Variants in SCHIP1 observed in about 807,000 individuals in gnomAD.
The protein encoded by SCHIP1 is schwannomin-interacting protein 1.
Under a neutral mutation model 29.7 loss-of-function variants are expected in SCHIP1, and 8 were observed. The ratio of observed to expected loss-of-function variants is 0.27; its 90% CI spans 0.16 to 0.49. The LOEUF (loss-of-function observed/expected upper bound fraction) is 0.49, where lower values mean the gene tolerates loss of function less well. Among genes scored for constraint, SCHIP1 ranks in the 20% least tolerant of loss-of-function variants. The pLI, the probability that SCHIP1 is intolerant of heterozygous loss-of-function variation, is 0.99. For missense variants in SCHIP1, 193 were observed against 294.6 expected (o/e 0.66, Z 2.52); for synonymous variants, 76 against 94.9 (o/e 0.80, Z 1.16).
the SCHIP1 span, chr3:159,763,610 G>C: frequency 6.5e-6 from 1 of 153,004 alleles, no homozygotes; most frequent in Non-Finnish European, 1.5e-5. Context: ...CGGGACTGCG[G>C]ACTGCGCCGC....
the SCHIP1 span, among the ~76,000 whole-genome samples, chr3:159,336,701 A>G: frequency 1.2e-4 from 19 of 152,242 alleles, no homozygotes; most frequent in African/African-American, 4.3e-4. Context: ...CCATTGGTCT[A>G]TATCTCTGTT....
the SCHIP1 span, among the ~76,000 whole-genome samples, chr3:159,393,565 T>C: frequency 7.9e-5 from 12 of 151,068 alleles, no homozygotes; most frequent in Non-Finnish European, 1.6e-4. Flanking sequence ...ATTTATTAAA[T>C]AGGGAATCCT....
chr3:159,659,866 G>T, the SCHIP1 span, among the ~76,000 whole-genome samples: 1,003 of 152,206 alleles, frequency 6.6e-3, 13 homozygotes, highest in African/African-American at 0.023. Flanking sequence ...TCTTGCAAAA[G>T]GTTAAAGCGT....
intron 1 of SCHIP1, chr3:159,853,556 C>A (rs1712940519): frequency 3.7e-6 from 2 of 546,900 alleles, no homozygotes; most frequent in African/African-American, 3.9e-5. Flanking sequence ...CACTCAGTGG[C>A]TATTGCCATA....
chr3:159,284,704 C>T, the SCHIP1 span, among the ~76,000 whole-genome samples: 1 of 151,948 alleles, frequency 6.6e-6, no homozygotes, highest in African/African-American at 2.4e-5. Context: ...ATCATGTTGG[C>T]CAGGCTAGTC....
the SCHIP1 span, among the ~76,000 whole-genome samples, chr3:159,761,672 G>A: frequency 6.6e-6 from 1 of 152,102 alleles, no homozygotes; most frequent in African/African-American, 2.4e-5. Flanking sequence ...AGGGAAACCT[G>A]GTACTTTCCC....
chr3:159,751,507 G>T, the SCHIP1 span, among the ~76,000 whole-genome samples: 2 of 151,722 alleles, frequency 1.3e-5, no homozygotes, highest in South Asian at 4.2e-4. Flanking sequence ...ATTCATCACA[G>T]AATTTATAGA....
chr3:159,527,847 A>C, the SCHIP1 span, among the ~76,000 whole-genome samples: 1 of 152,228 alleles, frequency 6.6e-6, no homozygotes, highest in Non-Finnish European at 1.5e-5. Flanking sequence ...TTAATATTTC[A>C]GCCGTGAGGT....
At chr3:159,556,469 A>G in the SCHIP1 span, among the ~76,000 whole-genome samples, 6 of 151,834 alleles carry the variant, frequency 4.0e-5, no homozygotes, top group South Asian at 4.2e-4. Context: ...ACATGCACAC[A>G]TATGTTTATT....
At chr3:159,328,480 AC>A in the SCHIP1 span, among the ~76,000 whole-genome samples, 1 of 152,330 alleles carries the variant, frequency 6.6e-6, no homozygotes, top group South Asian at 2.1e-4. Context: ...TGAAGGAAGA[AC>A]AGCTTTTCAA....
intron 3 of SCHIP1, 162 bp downstream of exon 4, chr3:159,886,486 A>C: frequency 1.7e-6 from 1 of 598,754 alleles, no homozygotes; most frequent in East Asian, 2.8e-5. Flanking sequence ...TTAAAAAGTC[A>C]AAGTTGTAAT....
the SCHIP1 span, among the ~76,000 whole-genome samples, chr3:159,709,262 T>G: frequency 6.6e-6 from 1 of 152,116 alleles, no homozygotes; most frequent in African/African-American, 2.4e-5. Context: ...CATGAGGGAT[T>G]CTTGTGAGGA....
At chr3:159,413,845 A>C in the SCHIP1 span, among the ~76,000 whole-genome samples, 26 of 152,170 alleles carry the variant, frequency 1.7e-4, no homozygotes, top group African/African-American at 6.3e-4. Context: ...ATATAAATTC[A>C]TCTCAAAACA....
the SCHIP1 span, among the ~76,000 whole-genome samples, chr3:159,486,646 T>C: frequency 1.3e-5 from 2 of 152,222 alleles, no homozygotes; most frequent in Admixed American, 1.3e-4. Context: ...GTGATATGTT[T>C]CTGCAGCAAA....
At chr3:159,521,331 CCTT>C in the SCHIP1 span, among the ~76,000 whole-genome samples, 5 of 152,216 alleles carry the variant, frequency 3.3e-5, no homozygotes, top group Non-Finnish European at 4.4e-5. Context: ...GAGGCAAAAT[CCTT>C]CTACTGCTGT....
chr3:159,678,963 G>A, the SCHIP1 span, among the ~76,000 whole-genome samples: 3 of 152,172 alleles, frequency 2.0e-5, no homozygotes, highest in Non-Finnish European at 4.4e-5. Flanking sequence ...CACTTGACAC[G>A]TGGAGATTAT....
At chr3:159,894,936 C>T (rs1717908959) in intron 6 of SCHIP1, among the ~76,000 whole-genome samples, 1 of 152,166 alleles carries the variant, frequency 6.6e-6, no homozygotes, top group Admixed American at 6.5e-5. Flanking sequence ...CTTTCCTTCT[C>T]AGAAAACCTT....
At chr3:159,500,985 C>T in the SCHIP1 span, among the ~76,000 whole-genome samples, 75 of 152,174 alleles carry the variant, frequency 4.9e-4, no homozygotes, top group African/African-American at 1.7e-3. Flanking sequence ...TTGCTTTAAT[C>T]AACACAATAG....
At chr3:159,868,998 G>A (rs911463981) in intron 2 of SCHIP1, among the ~76,000 whole-genome samples, 3 of 151,966 alleles carry the variant, frequency 2.0e-5, no homozygotes, top group African/African-American at 7.2e-5. Flanking sequence ...GATTGAATAG[G>A]TATAAAATGA....
Sources: gnomAD v4.1 joint callset for allele counts (sites outside exome capture counted in the v4.1 genomes callset) on GRCh38, gnomAD v4.1.1 for gene constraint, MANE v1.5 for transcripts, NCBI Gene and HGNC (gene_info 2026-07-23, HGNC 2026-07-21) for gene names.